Variants in FSTL4 observed in about 807,000 individuals in gnomAD.
FSTL4 encodes the protein follistatin like 4.
A neutral mutation model predicts 78.2 loss-of-function variants in FSTL4; 28 were observed. The ratio of observed to expected loss-of-function variants is 0.36; its 90% CI spans 0.27 to 0.49. The LOEUF (loss-of-function observed/expected upper bound fraction) is 0.49. FSTL4 is among the 20% of genes least tolerant of loss of function. FSTL4 has a pLI of 0.98. For missense variants in FSTL4, 922 were observed against 1,084.9 expected, an observed-to-expected ratio of 0.85 and a Z score of 2.11; for synonymous variants, 422 against 440.5, an observed-to-expected ratio of 0.96 and a Z score of 0.53.
intron 3 of FSTL4, among the ~76,000 whole-genome samples, chr5:133,546,992 G>A (rs1759588437): frequency 1.3e-5 from 2 of 152,216 alleles, no homozygotes; most frequent in South Asian, 2.1e-4. Context: ...GAAGAGACTT[G>A]TCAGAAGGAT....
intron 4 of FSTL4, among the ~76,000 whole-genome samples, chr5:133,397,199 C>T (rs1423278244): frequency 3.9e-5 from 6 of 152,168 alleles, no homozygotes; most frequent in Admixed American, 1.3e-4. Context: ...AATAGGAATG[C>T]GATGTCACAA....
intron 3 of FSTL4, among the ~76,000 whole-genome samples, chr5:133,517,479 C>CCACACACACACACA (rs70974086): frequency 2.0e-4 from 11 of 55,532 alleles, no homozygotes; most frequent in Non-Finnish European, 2.8e-4. Context: ...CACACACACA[C>CCACACACACACACA]CACACACACA....
the FSTL4 span, among the ~76,000 whole-genome samples, chr5:133,681,727 G>T: frequency 6.6e-6 from 1 of 152,184 alleles, no homozygotes; most frequent in Non-Finnish European, 1.5e-5. Context: ...ATTCCAGCTG[G>T]TGGAAGCTCT....
At chr5:133,618,096 T>G in the FSTL4 span, among the ~76,000 whole-genome samples, 1 of 152,226 alleles carries the variant, frequency 6.6e-6, no homozygotes, top group African/African-American at 2.4e-5. Flanking sequence ...CTGTATATAC[T>G]GGTTTTTCCC....
chr5:133,668,585 G>A, the FSTL4 span, among the ~76,000 whole-genome samples: 134 of 152,316 alleles, frequency 8.8e-4, no homozygotes, highest in Admixed American at 1.6e-3. Flanking sequence ...GCAGGCCTGA[G>A]TGGCCAGCCT....
intron 6 of FSTL4, among the ~76,000 whole-genome samples, chr5:133,261,160 C>T (rs1469097190): frequency 6.6e-6 from 1 of 152,192 alleles, no homozygotes; most frequent in African/African-American, 2.4e-5. Flanking sequence ...TTCGGAAATT[C>T]TATCTCCATC....
chr5:133,333,393 C>T (rs1234487705), intron 4 of FSTL4, among the ~76,000 whole-genome samples: 3 of 152,230 alleles, frequency 2.0e-5, no homozygotes, highest in African/African-American at 4.8e-5. Context: ...CCATCTCCAC[C>T]TCCTTTCTCT....
chr5:133,782,665 G>A, the FSTL4 span, among the ~76,000 whole-genome samples: 6 of 152,316 alleles, frequency 3.9e-5, no homozygotes, highest in East Asian at 1.9e-4. Flanking sequence ...GCCATCATCC[G>A]TCAAACTCTC....
At chr5:133,287,110 C>T (rs1026579503) in intron 6 of FSTL4, among the ~76,000 whole-genome samples, 12 of 152,146 alleles carry the variant, frequency 7.9e-5, no homozygotes, top group Admixed American at 2.0e-4. Context: ...GTAGGTTGGC[C>T]GGACGCGGTG....
chr5:133,834,288 G>C, the FSTL4 span, among the ~76,000 whole-genome samples: 1 of 152,028 alleles, frequency 6.6e-6, no homozygotes, highest in Admixed American at 6.6e-5. Context: ...CTTTGACTAA[G>C]CAATAGCCCT....
chr5:133,769,263 G>T, the FSTL4 span, among the ~76,000 whole-genome samples: 2 of 152,236 alleles, frequency 1.3e-5, no homozygotes, highest in Non-Finnish European at 2.9e-5. Flanking sequence ...AGGAAAGGGG[G>T]ATTGGTGATT....
chr5:133,613,594 C>A (rs1460367788), upstream of FSTL4, among the ~76,000 whole-genome samples: 1 of 152,218 alleles, frequency 6.6e-6, no homozygotes, highest in Non-Finnish European at 1.5e-5. Flanking sequence ...CGCTGAACCC[C>A]TCCAATGCAG....
chr5:133,756,152 G>A, the FSTL4 span, among the ~76,000 whole-genome samples: 2 of 152,172 alleles, frequency 1.3e-5, no homozygotes, highest in East Asian at 3.9e-4. Context: ...TGGTGTTTGG[G>A]AGGAGACTCT....
At chr5:133,367,887 GT>G (rs1341906135) in intron 4 of FSTL4, among the ~76,000 whole-genome samples, 2 of 152,238 alleles carry the variant, frequency 1.3e-5, no homozygotes, top group East Asian at 3.8e-4. Flanking sequence ...ACCTAACACA[GT>G]TTCACATTTC....
At chr5:133,658,911 TA>T in the FSTL4 span, among the ~76,000 whole-genome samples, 2 of 152,146 alleles carry the variant, frequency 1.3e-5, no homozygotes, top group Non-Finnish European at 2.9e-5. Context: ...GGAGTATTTT[TA>T]AAATTTCCAG....
chr5:133,771,890 G>A, the FSTL4 span, among the ~76,000 whole-genome samples: 3 of 152,312 alleles, frequency 2.0e-5, no homozygotes, highest in East Asian at 5.8e-4. Context: ...AGCTGAACAA[G>A]TGCTAACTGC....
At chr5:133,564,962 G>A (rs1190878446) in intron 3 of FSTL4, among the ~76,000 whole-genome samples, 1 of 152,172 alleles carries the variant, frequency 6.6e-6, no homozygotes, top group African/African-American at 2.4e-5. Context: ...AGTTGCAGTT[G>A]GTTAGCCATT....
the FSTL4 span, among the ~76,000 whole-genome samples, chr5:133,745,234 G>A: frequency 6.6e-6 from 1 of 152,240 alleles, no homozygotes; most frequent in African/African-American, 2.4e-5. Flanking sequence ...TACGCCAAGG[G>A]CCTTCTATGG....
the FSTL4 span, among the ~76,000 whole-genome samples, chr5:133,663,633 G>T: frequency 6.6e-6 from 1 of 152,246 alleles, no homozygotes; most frequent in Admixed American, 6.5e-5. Context: ...CTTTCTGCTA[G>T]AGTTGAATGA....
Sources: allele counts gnomAD v4.1 joint callset (sites outside exome capture counted in the v4.1 genomes callset), GRCh38; gene constraint gnomAD v4.1.1; transcripts MANE v1.5; gene names NCBI Gene and HGNC (gene_info 2026-07-23, HGNC 2026-07-21).